Variants in KLHL1 observed in about 807,000 individuals in gnomAD.
KLHL1 encodes the protein kelch like family member 1, also known as kelch-like protein 1.
Under a neutral mutation model 77.7 loss-of-function variants are expected in KLHL1, and 47 were observed. The ratio of observed to expected loss-of-function variants is 0.60; its 90% CI spans 0.48 to 0.77. The LOEUF is 0.77. Ranked by LOEUF, KLHL1 falls within the 30% of genes least tolerant of loss-of-function variation. KLHL1 has a pLI of 0.00. For synonymous variants in KLHL1, 360 were observed against 325.2 expected, an observed-to-expected ratio of 1.11 and a Z score of -1.15; for missense variants, 925 against 910.8, an observed-to-expected ratio of 1.02 and a Z score of -0.20.
chr13:69,875,406 T>C (rs1264288384), intron 5 of KLHL1, among the ~76,000 whole-genome samples: 1 of 152,020 alleles, frequency 6.6e-6, no homozygotes, highest in Non-Finnish European at 1.5e-5. Flanking sequence ...ATGTAAGAAG[T>C]GCTCATTGCA....
At chr13:70,006,524 G>A (rs1555289909) in intron 1 of KLHL1, among the ~76,000 whole-genome samples, 1 of 142,386 alleles carries the variant, frequency 7.0e-6, no homozygotes. Context: ...TTTTCAAAGA[G>A]TTTGAGAAGG....
At chr13:69,957,933 T>A (rs1182909401) in intron 3 of KLHL1, among the ~76,000 whole-genome samples, 1 of 151,852 alleles carries the variant, frequency 6.6e-6, no homozygotes, top group Non-Finnish European at 1.5e-5. Flanking sequence ...TTTCTTTCCA[T>A]TTCTGTGCTG....
chr13:69,875,648 G>T (rs939392379), intron 5 of KLHL1, among the ~76,000 whole-genome samples: 2 of 152,042 alleles, frequency 1.3e-5, no homozygotes, highest in Admixed American at 1.3e-4. Context: ...TACCTCTGCT[G>T]ACTTAAAGCT....
intron 9 of KLHL1, among the ~76,000 whole-genome samples, chr13:69,711,598 GA>G (rs1255465063): frequency 2.0e-5 from 3 of 152,004 alleles, no homozygotes; most frequent in African/African-American, 7.2e-5. Flanking sequence ...TTTATATTCT[GA>G]AAATATAAAA....
At chr13:70,072,908 C>T (rs1303150795) in intron 1 of KLHL1, among the ~76,000 whole-genome samples, 1 of 152,054 alleles carries the variant, frequency 6.6e-6, no homozygotes, top group African/African-American at 2.4e-5. Context: ...AGGATTTCCC[C>T]TCTCACCATT....
At chr13:69,874,749 A>T (rs184495203) in intron 5 of KLHL1, among the ~76,000 whole-genome samples, 119 of 152,242 alleles carry the variant, frequency 7.8e-4, no homozygotes, top group African/African-American at 2.6e-3. Context: ...CTTAATTTGG[A>T]TAACCCTGAC....
At chr13:69,967,164 G>T (rs1316106934) in intron 2 of KLHL1, among the ~76,000 whole-genome samples, 6 of 152,022 alleles carry the variant, frequency 3.9e-5, no homozygotes, top group African/African-American at 1.4e-4. Flanking sequence ...TTTATTTTTA[G>T]TTCTTTGAAA....
intron 7 of KLHL1, among the ~76,000 whole-genome samples, chr13:69,763,267 C>T (rs1422008452): frequency 6.6e-6 from 1 of 152,102 alleles, no homozygotes; most frequent in Non-Finnish European, 1.5e-5. Flanking sequence ...TCTTGCTGTA[C>T]ATGGATGACT....
At chr13:69,933,825 T>A (rs7327798) in intron 4 of KLHL1, among the ~76,000 whole-genome samples, 53,311 of 151,538 alleles carry the variant, frequency 0.35, 10,275 homozygotes, top group Non-Finnish European at 0.43. Context: ...GAAAAAAAAA[T>A]CACAAAGTTC....
chr13:70,036,595 T>C (rs1172685803), intron 1 of KLHL1, among the ~76,000 whole-genome samples: 1 of 151,964 alleles, frequency 6.6e-6, no homozygotes, highest in East Asian at 1.9e-4. Context: ...ATAATACGTA[T>C]TTACCTTCAA....
intron 6 of KLHL1, among the ~76,000 whole-genome samples, chr13:69,819,704 C>T (rs1878260592): frequency 6.6e-6 from 1 of 152,146 alleles, no homozygotes; most frequent in South Asian, 2.1e-4. Context: ...GGACCGATCA[C>T]TGCTACTGTG....
At chr13:70,009,494 G>T (rs2137335780) in intron 1 of KLHL1, among the ~76,000 whole-genome samples, 1 of 152,212 alleles carries the variant, frequency 6.6e-6, no homozygotes, top group South Asian at 2.1e-4. Context: ...TTTTACGGCA[G>T]AAACTCAGGA....
At chr13:69,862,772 A>G (rs2138156416) in intron 5 of KLHL1, among the ~76,000 whole-genome samples, 1 of 152,198 alleles carries the variant, frequency 6.6e-6, no homozygotes, top group Admixed American at 6.5e-5. Context: ...CTTCAGAGGA[A>G]AGGCCATGTG....
intron 6 of KLHL1, among the ~76,000 whole-genome samples, chr13:69,803,277 A>G (rs1271702574): frequency 6.6e-6 from 1 of 150,700 alleles, no homozygotes; most frequent in African/African-American, 2.5e-5. Context: ...TGAAATACAT[A>G]TTATTATTGT....
intron 7 of KLHL1, among the ~76,000 whole-genome samples, chr13:69,740,909 C>T (rs1232689050): frequency 6.6e-6 from 1 of 152,042 alleles, no homozygotes; most frequent in Non-Finnish European, 1.5e-5. Flanking sequence ...TATTTATGAC[C>T]ATATGAAGAA....
intron 7 of KLHL1, among the ~76,000 whole-genome samples, chr13:69,766,555 G>C (rs1358677548): frequency 6.6e-6 from 1 of 151,646 alleles, no homozygotes; most frequent in Non-Finnish European, 1.5e-5. Flanking sequence ...TGATACTTCA[G>C]TTACTTCAGA....
At chr13:70,001,081 GTAAA>G (rs1885276831) in intron 1 of KLHL1, among the ~76,000 whole-genome samples, 1 of 151,084 alleles carries the variant, frequency 6.6e-6, no homozygotes, top group Non-Finnish European at 1.5e-5. Flanking sequence ...GATTTGTTGT[GTAAA>G]TAATTATAAG....
intron 9 of KLHL1, among the ~76,000 whole-genome samples, chr13:69,717,903 G>A (rs577579891): frequency 9.9e-5 from 15 of 152,106 alleles, no homozygotes; most frequent in East Asian, 7.7e-4. Context: ...AAAATGCAGC[G>A]AACTTAATGC....
intron 1 of KLHL1, among the ~76,000 whole-genome samples, chr13:69,995,735 C>T (rs1405868750): frequency 6.6e-6 from 1 of 152,074 alleles, no homozygotes; most frequent in Non-Finnish European, 1.5e-5. Flanking sequence ...CTTTGAAAGC[C>T]AGGTAATAAA....
Sources: allele counts gnomAD v4.1 joint callset (sites outside exome capture counted in the v4.1 genomes callset), GRCh38; gene constraint gnomAD v4.1.1; transcripts MANE v1.5; gene names NCBI Gene and HGNC (gene_info 2026-07-23, HGNC 2026-07-21).